The following PADI2 variants were observed in gnomAD, a reference collection of about 807,000 sequenced individuals.
PADI2 encodes peptidyl arginine deiminase 2.
A neutral mutation model predicts 81.1 loss-of-function variants in PADI2; 70 were observed. The ratio of observed to expected loss-of-function variants is 0.86; its 90% CI spans 0.71 to 1.05. The LOEUF is 1.05. Among genes scored for constraint, PADI2 ranks in the 50% least tolerant of loss-of-function variants. PADI2 has a pLI of 0.00. For missense variants in PADI2, 853 were observed against 889.9 expected, an observed-to-expected ratio of 0.96 and a Z score of 0.53; for synonymous variants, 338 against 358.0, an observed-to-expected ratio of 0.94 and a Z score of 0.63.
Position 17,069,091 on chromosome 1 carries a change from C to T in PADI2, c.1951G>A (p.Val651Ile), listed in dbSNP as rs757969417. Residue 651 changes from valine to isoleucine, a missense_variant, in exon 16 of 16, where the codon GTC becomes ATC. Coordinates refer to ENST00000375486, the MANE Select transcript of PADI2 (RefSeq NM_007365.3). ...FLGEVHCGTN[V>I]RRKPFTFKWW... ...TTGAAGGTGAAGGGCTTCCTGCGGA[C>T]GTTGGTGCCACAGTGGACTTCCCCC... is the stretch of plus-strand genomic sequence containing the variant. 1.7e-5 allele frequency: 28 copies of T among 1,614,112 alleles called. No individual in the cohort carries two copies. The highest frequency in any genetic ancestry group is 3.3e-5 in the South Asian group (3 of 91,094).
At chr1:17,092,893 G>C (rs1305064663) in intron 5 of PADI2, among the ~76,000 whole-genome samples, 1 of 146,132 alleles carries the variant, frequency 6.8e-6, no homozygotes, top group Non-Finnish European at 1.5e-5. Flanking sequence ...AGGCTGTAGT[G>C]AGCTATGATC....
At chr1:17,084,265 T>C (rs1347258444) in intron 8 of PADI2, among the ~76,000 whole-genome samples, 1 of 152,336 alleles carries the variant, frequency 6.6e-6, no homozygotes, top group Admixed American at 6.5e-5. Flanking sequence ...AGGTGGTCAA[T>C]AAAAGTCTGT....
chr1:17,113,321 A>G (rs1931649151), intron 1 of PADI2, among the ~76,000 whole-genome samples: 1 of 152,066 alleles, frequency 6.6e-6, no homozygotes, highest in African/African-American at 2.4e-5. Flanking sequence ...GGAACTGAGT[A>G]TTCATTATGT....
At chr1:17,097,962 C>G (rs560579557) in intron 3 of PADI2, among the ~76,000 whole-genome samples, 2 of 152,282 alleles carry the variant, frequency 1.3e-5, no homozygotes, top group African/African-American at 4.8e-5. Flanking sequence ...TTCTCCCCTG[C>G]GGGCATCCTG....
chr1:17,104,957 T>C lies in PADI2; in HGVS notation c.197A>G (p.Lys66Arg). Reference protein sequence around the residue: ...GEAEEVATNGKQRWLLSPSTT... With the variant: ...GEAEEVATNGRQRWLLSPSTT... Reference sequence around the variant, plus strand: ...GCTGGGCGAGAGAAGCCAGCGCTGCTTGCCATTGGTGGCCACCTCCTCAGC... The same window carrying C: ...GCTGGGCGAGAGAAGCCAGCGCTGCCTGCCATTGGTGGCCACCTCCTCAGC... Residue 66 changes from lysine to arginine, a missense_variant, in exon 2 of 16, where the codon AAG (lysine) becomes AGG (arginine). Lys to Arg is a conservative substitution (Grantham distance 26, BLOSUM62 2). Transcript: ENST00000375486. The C allele has an allele frequency of 6.2e-7, 1 of 1,609,698 alleles. No homozygotes were observed. Among genetic ancestry groups the C allele is most frequent in the Non-Finnish European group, 8.5e-7 (1 of 1,179,210 alleles).
intron 10 of PADI2, among the ~76,000 whole-genome samples, chr1:17,080,465 A>G (rs2078335757): frequency 6.6e-6 from 1 of 152,224 alleles, no homozygotes; most frequent in South Asian, 2.1e-4. Flanking sequence ...GGCATAAAGA[A>G]GCAGAGTGGC....
rs930265164 is a variant in PADI2 at position 17,067,470 on chromosome 1, AC to A, written c.*1573del. The A allele has an allele frequency of 1.3e-5, 2 of 151,294 alleles. No homozygotes were observed. The highest frequency in any genetic ancestry group is 2.9e-5 in the Non-Finnish European group (2 of 67,908). 9.4% of individuals were successfully genotyped at this position (151,294 alleles called of 1,614,324 possible). On this transcript the variant is annotated 3_prime_UTR_variant, in exon 16 of 16. Transcript: ENST00000375486. ...TGGGAAGGGGGCCTGTTTAAAGAAG[AC>A]CCCCCACCCCCACTGCCCATTTCAC...
chr1:17,096,042 G>A (rs1930915501), intron 3 of PADI2, 72 bp from the exon 4 acceptor site: 1 of 1,222,612 alleles, frequency 8.2e-7, no homozygotes, highest in Non-Finnish European at 1.2e-6. Flanking sequence ...AGGAAGACCT[G>A]TGGGATTTGG....
chr1:17,070,788 A>G (rs1468868555), intron 14 of PADI2, among the ~76,000 whole-genome samples: 1 of 151,880 alleles, frequency 6.6e-6, no homozygotes, highest in East Asian at 1.9e-4. Flanking sequence ...CAGCCTCCCA[A>G]GTAGCTGGGA....
chr1:17,107,708 C>T (rs527498084), intron 1 of PADI2, among the ~76,000 whole-genome samples: 8 of 152,330 alleles, frequency 5.3e-5, no homozygotes, highest in Admixed American at 5.2e-4. Flanking sequence ...CAGTGTCTGT[C>T]TGACCTGGGC....
At chr1:17,083,687 G>A (rs1241160511) in intron 9 of PADI2, 39 bp downstream of exon 9, 1 of 1,281,690 alleles carries the variant, frequency 7.8e-7, no homozygotes, top group South Asian at 1.2e-5. Flanking sequence ...GCTTGACCCG[G>A]GGGCCATGTC....
intron 1 of PADI2, among the ~76,000 whole-genome samples, chr1:17,112,536 C>T (rs1049852527): frequency 6.6e-6 from 1 of 150,656 alleles, no homozygotes; most frequent in African/African-American, 2.5e-5. Flanking sequence ...GGGGGGGAGT[C>T]GTGGGTGCCA....
chr1:17,088,726 G>A (rs988304164), intron 6 of PADI2, among the ~76,000 whole-genome samples: 2 of 151,912 alleles, frequency 1.3e-5, no homozygotes, highest in African/African-American at 4.8e-5. Context: ...GGCCAACACA[G>A]TGAAACCCCG....
intron 1 of PADI2, among the ~76,000 whole-genome samples, chr1:17,116,590 G>A (rs1203791756): frequency 6.6e-6 from 1 of 152,186 alleles, no homozygotes; most frequent in Non-Finnish European, 1.5e-5. Flanking sequence ...AGGCTGAGAG[G>A]GCCGTCCAGT....
intron 3 of PADI2, among the ~76,000 whole-genome samples, chr1:17,099,192 T>A (rs1024685969): frequency 6.6e-6 from 1 of 152,156 alleles, no homozygotes; most frequent in Non-Finnish European, 1.5e-5. Flanking sequence ...GTGCCTGGCC[T>A]TCTTGCCTTA....
At chr1:17,100,173 C>T (rs1252175027) in intron 3 of PADI2, among the ~76,000 whole-genome samples, 1 of 152,116 alleles carries the variant, frequency 6.6e-6, no homozygotes, top group African/African-American at 2.4e-5. Flanking sequence ...AACAGTGGTC[C>T]CCAAGGGAAA....
chr1:17,110,626 T>C (rs1299188715), intron 1 of PADI2, among the ~76,000 whole-genome samples: 1 of 152,238 alleles, frequency 6.6e-6, no homozygotes, highest in Non-Finnish European at 1.5e-5. Context: ...CAACTCAGCT[T>C]GACTCTCTGG....
rs1384095434 is a variant in PADI2, at chr1:17,115,420, A to AAAG, written c.92+3857_92+3859dup. Among the ~76,000 whole-genome samples, 1 of 152,236 alleles carries AAAG rather than the reference A, an allele frequency of 6.6e-6. No homozygotes were observed. Among genetic ancestry groups the AAAG allele is most frequent in the African/African-American group, 2.4e-5 (1 of 41,466 alleles). On this transcript the variant is annotated intron_variant, in intron 1 of 15. Coordinates refer to ENST00000375486, the MANE Select transcript of PADI2 (RefSeq NM_007365.3). This position sits in a 1 kb window ranked among gnomAD's most constrained non-coding sequence, Gnocchi z 4.1. The stretch of plus-strand genomic sequence containing the variant: ...CCTGGCTCCTGTACACCAGGGAGGA[A>AAAG]AAGAAGAGCCCTGCCTTCTCGAGAA...
In PADI2 at chr1:17,115,596, G is replaced by A. The variant is rs1931728051; in HGVS notation, c.92+3684C>T. ...CCTTCCAGACTCTGGGAGTGTCCAT[G>A]CCTCCAGGGCTCACAAGAGGTGGGT... On this transcript the variant is annotated intron_variant, in intron 1 of 15. Coordinates refer to ENST00000375486, the MANE Select transcript of PADI2 (RefSeq NM_007365.3). The surrounding 1 kb of genome is among the most constrained non-coding windows in gnomAD (Gnocchi z 4.1). Among the ~76,000 whole-genome samples, 1 of 152,206 alleles carries A rather than the reference G, an allele frequency of 6.6e-6. No homozygotes were observed. The highest frequency in any genetic ancestry group is 1.5e-5 in the Non-Finnish European group (1 of 68,034).
Sources: gnomAD v4.1 joint callset for allele counts (sites outside exome capture counted in the v4.1 genomes callset) on GRCh38, gnomAD v4.1.1 for gene constraint, Gnocchi (gnomAD v3.1) non-coding constraint, MANE v1.5 for transcripts, NCBI Gene and HGNC (gene_info 2026-07-23, HGNC 2026-07-21) for gene names.